Variants in HNRNPM observed in about 807,000 individuals in gnomAD.
HNRNPM encodes the protein CEA receptor.
In HNRNPM, 11 loss-of-function variants were observed where a neutral mutation model predicts 73.1. That is an observed-to-expected ratio of 0.15 (90% CI 0.09 to 0.25). The LOEUF is 0.25. Among genes scored for constraint, HNRNPM ranks in the 10% least tolerant of loss-of-function variants. The pLI is 1.00. For synonymous variants in HNRNPM, 407 were observed against 355.2 expected (o/e 1.15, Z -1.64); for missense variants, 789 against 1,067.9 (o/e 0.74, Z 3.64).
intron 2 of HNRNPM, among the ~76,000 whole-genome samples, chr19:8,457,742 T>C (rs1015775324): frequency 6.6e-6 from 1 of 152,260 alleles, no homozygotes; most frequent in Non-Finnish European, 1.5e-5. Flanking sequence ...AAAGACGTTT[T>C]TATTCCCGTT....
chr19:8,448,687 G>A (rs1185515704), intron 1 of HNRNPM, among the ~76,000 whole-genome samples: 3 of 151,756 alleles, frequency 2.0e-5, no homozygotes, highest in Non-Finnish European at 2.9e-5. Flanking sequence ...GTTTCACTCT[G>A]TTAGCCAGGA....
intron 13 of HNRNPM, 82 bp from the exon 14 acceptor site, chr19:8,485,521 A>T (rs1032746868): frequency 5.9e-6 from 8 of 1,364,756 alleles, no homozygotes; most frequent in Admixed American, 3.8e-5. Flanking sequence ...ATCCATGCCC[A>T]TGAGCTGAAG....
chr19:8,482,068 G>T (rs552782382), intron 12 of HNRNPM, among the ~76,000 whole-genome samples: 1 of 149,552 alleles, frequency 6.7e-6, no homozygotes, highest in Non-Finnish European at 1.5e-5. Flanking sequence ...TGCCTCCAGG[G>T]TTCAAGCGAT....
intron 10 of HNRNPM, 58 bp from the exon 11 acceptor site, chr19:8,473,606 C>T (rs921698113): frequency 2.8e-6 from 3 of 1,057,326 alleles, no homozygotes; most frequent in Non-Finnish European, 4.4e-6. Flanking sequence ...TTTTTAAGTT[C>T]AAACGTTATT....
In HNRNPM at chr19:8,473,711, A is replaced by T. The variant is rs777302903; in HGVS notation, c.1042+3A>T. ...ATTTGGAATAAATAAAATGGGAGGT[A>T]AGAAATTTAAAATGAAGTACAAGCA... On this transcript the variant is annotated splice_donor_region_variant and intron_variant, in intron 11 of 15. Transcript: ENST00000325495. 3.3e-6 allele frequency: 5 copies of T among 1,527,086 alleles called. No individual in the cohort carries two copies. The highest frequency in any genetic ancestry group is 4.5e-6 in the Non-Finnish European group (5 of 1,102,912). 94.6% of individuals were successfully genotyped at this position (1,527,086 alleles called of 1,614,324 possible).
chr19:8,463,775 C>A, intron 5 of HNRNPM, 89 bp downstream of exon 5: 2 of 877,238 alleles, frequency 2.3e-6, no homozygotes, highest in Non-Finnish European at 3.6e-6. Context: ...TGGTCCCAGA[C>A]GGCATTTACA....
At chr19:8,452,597 G>A (rs1968705063) in intron 1 of HNRNPM, among the ~76,000 whole-genome samples, 1 of 152,186 alleles carries the variant, frequency 6.6e-6, no homozygotes, top group Non-Finnish European at 1.5e-5. Flanking sequence ...CAGGTAGATT[G>A]CGTTCTAGGC....
At position 8,462,494 on chromosome 19, in the gene HNRNPM, C is replaced by T; in HGVS notation, c.284-35C>T. ...CCCATTGTTTTCTTGGCTTTTCTCC[C>T]TTGGTTTATGTGTCGTCTGGAAACT... On this transcript the variant is annotated intron_variant, in intron 2 of 15. Coordinates refer to ENST00000325495, the MANE Select transcript of HNRNPM (RefSeq NM_005968.5). This position sits in a 1 kb window ranked among gnomAD's most constrained non-coding sequence, Gnocchi z 4.5. 1 of 1,589,968 alleles carries T rather than the reference C, an allele frequency of 6.3e-7. No individual in the cohort carries two copies. Among genetic ancestry groups the T allele is most frequent in the Admixed American group, 1.7e-5 (1 of 59,966 alleles).
intron 1 of HNRNPM, among the ~76,000 whole-genome samples, chr19:8,451,602 A>G (rs1020201575): frequency 3.3e-5 from 5 of 152,150 alleles, no homozygotes; most frequent in Non-Finnish European, 7.4e-5. Flanking sequence ...TAGTGGTGCA[A>G]TCATGGCTTA....
chr19:8,488,334 A>T (rs1010659627), intron 15 of HNRNPM: 1 of 219,774 alleles, frequency 4.6e-6, no homozygotes, highest in African/African-American at 2.2e-5. Context: ...AGACGTGTCC[A>T]TTGGATTGCG....
chr19:8,488,869 T>C lies in HNRNPM; in HGVS notation c.*15T>C. ...GAAACGCTTAAGCAGTTGCCTTTTT[T>C]AAACATCGATACGAGACCTCTGAAT... On this transcript the variant is annotated 3_prime_UTR_variant, in exon 16 of 16. Coordinates refer to ENST00000325495, the MANE Select transcript of HNRNPM (RefSeq NM_005968.5). The C allele has an allele frequency of 6.3e-7, 1 of 1,599,564 alleles. No homozygotes were observed. Among genetic ancestry groups the C allele is most frequent in the Non-Finnish European group, 8.6e-7 (1 of 1,168,790 alleles).
intron 2 of HNRNPM, among the ~76,000 whole-genome samples, chr19:8,456,210 C>T (rs1456960885): frequency 2.0e-5 from 3 of 152,044 alleles, no homozygotes; most frequent in African/African-American, 4.8e-5. Context: ...CCTAGGTGTC[C>T]ACCTTCCAGC....
At chr19:8,483,692 A>T (rs1027541523) in intron 13 of HNRNPM, among the ~76,000 whole-genome samples, 1 of 152,252 alleles carries the variant, frequency 6.6e-6, no homozygotes, top group East Asian at 1.9e-4. Flanking sequence ...CCCATCGCCC[A>T]GTGATGACTG....
In HNRNPM at chr19:8,471,416, T is replaced by C; in HGVS notation, c.986T>C (p.Ile329Thr). Residue 329 changes from isoleucine (I) to threonine (T), a missense_variant, in exon 10 of 16, where the codon ATA becomes ACA. Transcript: ENST00000325495. ...HLNKGIGMGNIGPAGMGMEGI... is the reference protein window; with the variant it reads ...HLNKGIGMGNTGPAGMGMEGI... ...AATAAAGGCATCGGAATGGGAAACA[T>C]AGGTCCCGCAGGTGAGAATGACAGT... 2 of 1,599,704 alleles carry C rather than the reference T, an allele frequency of 1.3e-6. No individual in the cohort carries two copies. The highest frequency in any genetic ancestry group is 1.7e-6 in the Non-Finnish European group (2 of 1,172,144).
chr19:8,454,505 T>G (rs1477848992), intron 1 of HNRNPM, among the ~76,000 whole-genome samples: 1 of 152,216 alleles, frequency 6.6e-6, no homozygotes, highest in Non-Finnish European at 1.5e-5. Context: ...TGTTTCTACC[T>G]TTTGGCTTGT....
intron 12 of HNRNPM, 106 bp from the exon 13 acceptor site, chr19:8,483,047 TTTATC>T: frequency 1.4e-6 from 1 of 698,158 alleles, no homozygotes; most frequent in Non-Finnish European, 2.5e-6. Flanking sequence ...CCCCTTTCCC[TTTATC>T]TTGTCATTTT....
chr19:8,469,576 A>G (rs1381347509), intron 9 of HNRNPM, among the ~76,000 whole-genome samples: 1 of 152,242 alleles, frequency 6.6e-6, no homozygotes, highest in African/African-American at 2.4e-5. Flanking sequence ...CGTGACAGGG[A>G]AGGCTAGTTG....
intron 10 of HNRNPM, among the ~76,000 whole-genome samples, chr19:8,472,368 A>G (rs999069120): frequency 2.0e-5 from 3 of 151,896 alleles, no homozygotes; most frequent in African/African-American, 4.8e-5. Context: ...CTATCCCACC[A>G]TTGTCAGTGT....
chr19:8,482,842 G>A (rs1483989302), intron 12 of HNRNPM: 4 of 235,616 alleles, frequency 1.7e-5, no homozygotes, highest in Non-Finnish European at 2.5e-5. Context: ...AGCGAGACCC[G>A]ATGGCCCTCT....
Sources: gnomAD v4.1 joint callset for allele counts (sites outside exome capture counted in the v4.1 genomes callset) on GRCh38, gnomAD v4.1.1 for gene constraint, Gnocchi (gnomAD v3.1) non-coding constraint, MANE v1.5 for transcripts, NCBI Gene and HGNC (gene_info 2026-07-23, HGNC 2026-07-21) for gene names.